TP53INP2: variants seen among roughly 807,000 people sequenced by gnomAD.
The protein encoded by TP53INP2 is tumor protein p53 inducible nuclear protein 2.
TP53INP2 carries 12 observed loss-of-function variants against 17.1 expected under a neutral mutation model. The ratio of observed to expected loss-of-function variants is 0.70; its 90% CI spans 0.45 to 1.14. TP53INP2 has a LOEUF of 1.14. TP53INP2 is among the 50% of genes most tolerant of loss of function. The pLI is 0.00. For synonymous variants in TP53INP2, 145 were observed against 147.3 expected, an observed-to-expected ratio of 0.98 and a Z score of 0.12; for missense variants, 342 against 330.9, an observed-to-expected ratio of 1.03 and a Z score of -0.26.
rs1988152884 is a variant in TP53INP2, at chr20:34,710,274, C to T, written c.630C>T (p.Ile210=). The part of the protein sequence containing the change: ...PRRSKNQSSF[I]YQPCQRQFNY ...GGTCCAAGAACCAGAGCAGCTTCAT[C>T]TACCAGCCGTGCCAGCGCCAGTTCA... Residue 210 remains isoleucine (I), a synonymous_variant, in exon 5 of 5, where the codon ATC becomes ATT. Transcript: ENST00000374810. The surrounding 1 kb of genome is among the most constrained non-coding windows in gnomAD (Gnocchi z 4.9). The T allele has an allele frequency of 2.8e-6, 4 of 1,437,506 alleles. No individual in the cohort carries two copies. The highest frequency in any genetic ancestry group is 3.7e-6 in the Non-Finnish European group (4 of 1,083,778). 89.0% of individuals were successfully genotyped at this position (1,437,506 alleles called of 1,614,324 possible).
Position 34,710,406 on chromosome 20 carries a change from G to A in TP53INP2, c.*99G>A, listed in dbSNP as rs1204160073. ...ACACCGAAACCTCCCTTCTTAAAGC[G>A]TGTGAGGTTGGGTGATAGCCGTTCC... On this transcript the variant is annotated 3_prime_UTR_variant, in exon 5 of 5. Transcript: ENST00000374810. This position sits in a 1 kb window ranked among gnomAD's most constrained non-coding sequence, Gnocchi z 4.9. 4.1e-6 allele frequency: 5 copies of A among 1,210,320 alleles called. No homozygotes were observed. Among genetic ancestry groups the A allele is most frequent in the East Asian group, 3.2e-5 (1 of 31,272 alleles). The allele number at this position is 1,210,320 out of a possible 1,614,324, so 75.0% of individuals were successfully genotyped here.
rs1191349922 is a variant in TP53INP2, at chr20:34,709,904, G to A, written c.414-154G>A. Among the ~76,000 whole-genome samples, 1 of 152,168 alleles carries A rather than the reference G, an allele frequency of 6.6e-6. No individual in the cohort carries two copies. On this transcript the variant is annotated intron_variant, in intron 4 of 4. Transcript: ENST00000374810. The surrounding 1 kb of genome is among the most constrained non-coding windows in gnomAD (Gnocchi z 5.4). ...ACCTGTTAAGGGCTAGAACCGAGGA[G>A]GCACCTCCGGGTTGGTACCCACAAG...
In TP53INP2 at chr20:34,709,185, G is replaced by GCTCC. The variant is rs1301838609; in HGVS notation, c.125-50_125-49insTCCC. The GCTCC allele has an allele frequency of 9.9e-6, 14 of 1,412,904 alleles. No homozygotes were observed. Among genetic ancestry groups the GCTCC allele is most frequent in the African/African-American group, 6.3e-5 (4 of 63,852 alleles). The allele number at this position is 1,412,904 out of a possible 1,614,324, so 87.5% of individuals were successfully genotyped here. ...GGTGTGTGTGTGTGTGTGTGTGTGTGCCTCCTCGCTGCTCCCCTCCTCTGC... is the reference window on the plus strand; with the variant it reads ...GGTGTGTGTGTGTGTGTGTGTGTGTGCTCCCCTCCTCGCTGCTCCCCTCCTCTGC... On this transcript the variant is annotated intron_variant, in intron 3 of 4. Coordinates refer to ENST00000374810, the MANE Select transcript of TP53INP2 (RefSeq NM_021202.3). The surrounding 1 kb of genome is among the most constrained non-coding windows in gnomAD (Gnocchi z 5.4).
rs747839411 is a variant in TP53INP2, at chr20:34,709,418, C to G, written c.307C>G (p.His103Asp). The part of the protein sequence containing the change: ...SSPLEDLLIE[H>D]PSMSVYVTGS... The stretch of plus-strand genomic sequence containing the variant: ...TCCCCTGGAGGACCTCCTCATCGAG[C>G]ACCCCAGCATGTCCGTTTACGTCAC... Residue 103 changes from histidine to aspartate, a missense_variant, in exon 4 of 5, where the codon CAC becomes GAC. By Grantham distance (81) the His-to-Asp change is moderately conservative. Coordinates refer to ENST00000374810, the MANE Select transcript of TP53INP2 (RefSeq NM_021202.3). This position sits in a 1 kb window ranked among gnomAD's most constrained non-coding sequence, Gnocchi z 5.4. 3.1e-6 allele frequency: 5 copies of G among 1,613,946 alleles called. No homozygotes were observed. The highest frequency in any genetic ancestry group is 4.2e-6 in the Non-Finnish European group (5 of 1,179,890).
Position 34,709,305 on chromosome 20 carries a change from C to A in TP53INP2, c.194C>A (p.Ser65Tyr). The A allele has an allele frequency of 5.0e-6, 8 of 1,612,600 alleles. No homozygotes were observed. The highest frequency in any genetic ancestry group is 6.8e-6 in the Non-Finnish European group (8 of 1,179,520). Reference sequence around the variant, plus strand: ...GCGGGCCGCCCTCCGCCCGCGCCCTCCTTGATGGACGAGAGCTGGTTTGTT... The same window carrying A: ...GCGGGCCGCCCTCCGCCCGCGCCCTACTTGATGGACGAGAGCTGGTTTGTT... ...APAGRPPPAP[S>Y]LMDESWFVTP... The change falls in exon 4 of 5, where the codon TCC becomes TAC. Residue 65 changes from serine (S) to tyrosine (Y), a missense_variant. Physicochemically the swap from Ser to Tyr is moderately radical, Grantham distance 144 (BLOSUM62 -2). Coordinates refer to ENST00000374810, the MANE Select transcript of TP53INP2 (RefSeq NM_021202.3). The surrounding 1 kb of genome is among the most constrained non-coding windows in gnomAD (Gnocchi z 5.4).
chr20:34,709,122 T>A lies in TP53INP2; in HGVS notation c.125-114T>A. On this transcript the variant is annotated intron_variant, in intron 3 of 4. Coordinates refer to ENST00000374810, the MANE Select transcript of TP53INP2 (RefSeq NM_021202.3). The surrounding 1 kb of genome is among the most constrained non-coding windows in gnomAD (Gnocchi z 5.4). ...GGGCGCTGCGGACGGGCTGCGGGTC[T>A]GACTAACGATGCCCTTTCTCTCCCC... The A allele has an allele frequency of 6.9e-7, 1 of 1,446,010 alleles. No individual in the cohort carries two copies. Among genetic ancestry groups the A allele is most frequent in the Non-Finnish European group, 9.1e-7 (1 of 1,103,544 alleles). The allele number at this position is 1,446,010 out of a possible 1,614,324, so 89.6% of individuals were successfully genotyped here.
rs569240440 is a variant in TP53INP2, at chr20:34,709,620, C to T, written c.413+96C>T. 719 of 1,453,686 alleles carry T rather than the reference C, an allele frequency of 4.9e-4. 7 individuals are homozygous for T. In the Middle Eastern group the frequency reaches 9.1e-3, roughly 18 times the overall value. The allele number at this position is 1,453,686 out of a possible 1,614,324, so 90.0% of individuals were successfully genotyped here. A position where few individuals can be genotyped will look rare whatever the true frequency, so the allele number is the denominator to read the frequency against. On this transcript the variant is annotated intron_variant, in intron 4 of 4. Transcript: ENST00000374810. The surrounding 1 kb of genome is among the most constrained non-coding windows in gnomAD (Gnocchi z 5.4). ...GGCTGGGGTAGTGGGGCCAGGAGCCCGCCCCGCGCTCGAGGGGGTAGCGGC... is the reference window on the plus strand; with the variant it reads ...GGCTGGGGTAGTGGGGCCAGGAGCCTGCCCCGCGCTCGAGGGGGTAGCGGC...
chr20:34,707,506 C>G (rs1413464270), intron 2 of TP53INP2, among the ~76,000 whole-genome samples: 2 of 152,108 alleles, frequency 1.3e-5, no homozygotes, highest in African/African-American at 2.4e-5. Flanking sequence ...ACACATGGAC[C>G]ATGACCCCTG....
chr20:34,709,933 G>A lies in TP53INP2; in HGVS notation c.414-125G>A, dbSNP rs918112595. ...CCTCCGGGTTGGTACCCACAAGAAGGGCGTCGGGCACCCCAATCTGAACAG... is the reference window on the plus strand; with the variant it reads ...CCTCCGGGTTGGTACCCACAAGAAGAGCGTCGGGCACCCCAATCTGAACAG... On this transcript the variant is annotated intron_variant, in intron 4 of 4. Coordinates refer to ENST00000374810, the MANE Select transcript of TP53INP2 (RefSeq NM_021202.3). This position sits in a 1 kb window ranked among gnomAD's most constrained non-coding sequence, Gnocchi z 5.4. 1 of 1,179,366 alleles carries A rather than the reference G, an allele frequency of 8.5e-7. No individual in the cohort carries two copies. The highest frequency in any genetic ancestry group is 1.1e-6 in the Non-Finnish European group (1 of 909,610). 73.1% of individuals were successfully genotyped at this position (1,179,366 alleles called of 1,614,324 possible).
chr20:34,713,426 T>G lies in TP53INP2; in HGVS notation c.*3119T>G, dbSNP rs972781478. 4 of 152,702 alleles carry G rather than the reference T, an allele frequency of 2.6e-5. No individual in the cohort carries two copies. Among genetic ancestry groups the G allele is most frequent in the South Asian group, 4.1e-4 (2 of 4,830 alleles). The allele number at this position is 152,702 out of a possible 1,614,324, so 9.5% of individuals were successfully genotyped here. ...ATAAAGAAAAACAAATAAAAATATA[T>G]TTAAAGCACATGATCCTTTCTGCCT... On this transcript the variant is annotated 3_prime_UTR_variant, in exon 5 of 5. Transcript: ENST00000374810.
chr20:34,708,815 G>T lies in TP53INP2; in HGVS notation c.76G>T (p.Val26Leu), dbSNP rs148376498. 1.0e-4 allele frequency: 169 copies of T among 1,611,800 alleles called. No homozygotes were observed. The highest frequency in any genetic ancestry group is 2.6e-4 in the South Asian group (24 of 90,898). Residue 26 changes from valine (V) to leucine (L), a missense_variant, in exon 3 of 5, where the codon GTG (valine) becomes TTG (leucine). Val to Leu is a conservative substitution (Grantham distance 32). Transcript: ENST00000374810. ...PEDPDCPRAF[V>L]SEEDEVDGWL... The stretch of plus-strand genomic sequence containing the variant: ...AGACCCCGACTGCCCCCGCGCCTTC[G>T]TGTCGGAGGAGGATGAAGTGGACGG...
Position 34,709,631 on chromosome 20 carries a change from C to G in TP53INP2, c.413+107C>G. 6.9e-7 allele frequency: 1 copy of G among 1,447,746 alleles called. No individual in the cohort carries two copies. Among genetic ancestry groups the G allele is most frequent in the African/African-American group, 1.4e-5 (1 of 69,834 alleles). The allele number at this position is 1,447,746 out of a possible 1,614,324, so 89.7% of individuals were successfully genotyped here. ...TGGGGCCAGGAGCCCGCCCCGCGCT[C>G]GAGGGGGTAGCGGCCTTGGGAGGGT... is the stretch of plus-strand genomic sequence containing the variant. On this transcript the variant is annotated intron_variant, in intron 4 of 4. Coordinates refer to ENST00000374810, the MANE Select transcript of TP53INP2 (RefSeq NM_021202.3). This position sits in a 1 kb window ranked among gnomAD's most constrained non-coding sequence, Gnocchi z 5.4.
At chr20:34,708,979 TG>T in intron 3 of TP53INP2, 116 bp downstream of exon 3, 2 of 1,474,784 alleles carry the variant, frequency 1.4e-6, no homozygotes, top group Non-Finnish European at 1.8e-6. Context: ...CTACTGGAGG[TG>T]GGGTCACGGG....
chr20:34,705,771 GGGGGTA>G (rs1444644741), intron 2 of TP53INP2, among the ~76,000 whole-genome samples: 1 of 152,162 alleles, frequency 6.6e-6, no homozygotes, highest in African/African-American at 2.4e-5. Flanking sequence ...AGGATGGGCT[GGGGGTA>G]GGGGTGGCTT....
At chr20:34,708,645 G>A in intron 2 of TP53INP2, 46 bp from the exon 3 acceptor site, 1 of 1,209,182 alleles carries the variant, frequency 8.3e-7, no homozygotes, top group South Asian at 1.3e-5. Flanking sequence ...CCAGGAGTGG[G>A]GTGAACCTCA....
Position 34,710,043 on chromosome 20 carries a change from GCT to G in TP53INP2, c.414-12_414-11del. ...AGCTTACCCGGCTTGACCGAGCCTG[GCT>G]CTGTCCTCACAGGGAATTGACGCCC... is the stretch of plus-strand genomic sequence containing the variant. On this transcript the variant is annotated splice_polypyrimidine_tract_variant and intron_variant, in intron 4 of 4. Coordinates refer to ENST00000374810, the MANE Select transcript of TP53INP2 (RefSeq NM_021202.3). The surrounding 1 kb of genome is among the most constrained non-coding windows in gnomAD (Gnocchi z 4.9). 7.7e-7 allele frequency: 1 copy of G among 1,291,458 alleles called. No individual in the cohort carries two copies. Among genetic ancestry groups the G allele is most frequent in the Non-Finnish European group, 9.8e-7 (1 of 1,020,760 alleles). 80.0% of individuals were successfully genotyped at this position (1,291,458 alleles called of 1,614,324 possible).
Position 34,710,088 on chromosome 20 carries a change from G to GGCCGCGC in TP53INP2, c.448_454dup (p.His152ArgfsTer104). 1 of 1,280,802 alleles carries GGCCGCGC rather than the reference G, an allele frequency of 7.8e-7. No homozygotes were observed. The allele number at this position is 1,280,802 out of a possible 1,614,324, so 79.3% of individuals were successfully genotyped here. A position where few individuals can be genotyped will look rare whatever the true frequency, so the allele number is the denominator to read the frequency against. On this transcript the variant is annotated frameshift_variant, in exon 5 of 5. Transcript: ENST00000374810. LOFTEE classifies it high-confidence loss of function. The surrounding 1 kb of genome is among the most constrained non-coding windows in gnomAD (Gnocchi z 4.9). ...TGACGCCCGCCCGCCGCGAGCCGCGGGCCGCGCGCCACGCCGCTCCTCTCC... is the reference window on the plus strand; with the variant it reads ...TGACGCCCGCCCGCCGCGAGCCGCGGGCCGCGCGCCGCGCGCCACGCCGCTCCTCTCC...
chr20:34,710,100 C>A lies in TP53INP2; in HGVS notation c.456C>A (p.His152Gln). ...GCCGCGAGCCGCGGGCCGCGCGCCA[C>A]GCCGCTCCTCTCCCAGCGCGGGCGG... ...PARREPRAAR[H>Q]AAPLPARAAL... Residue 152 changes from histidine to glutamine, a missense_variant, in exon 5 of 5, where the codon CAC becomes CAA. Coordinates refer to ENST00000374810, the MANE Select transcript of TP53INP2 (RefSeq NM_021202.3). This position sits in a 1 kb window ranked among gnomAD's most constrained non-coding sequence, Gnocchi z 4.9. 1 of 1,272,716 alleles carries A rather than the reference C, an allele frequency of 7.9e-7. No homozygotes were observed. Among genetic ancestry groups the A allele is most frequent in the Non-Finnish European group, 9.9e-7 (1 of 1,013,052 alleles). The allele number at this position is 1,272,716 out of a possible 1,614,324, so 78.8% of individuals were successfully genotyped here. A position where few individuals can be genotyped will look rare whatever the true frequency, so the allele number is the denominator to read the frequency against.
rs766846796 is a variant in TP53INP2, at chr20:34,710,077, C to G, written c.433C>G (p.Arg145Gly). ...LSEGELTPAR[R>G]EPRAARHAAP... ...TCACAGGGAATTGACGCCCGCCCGC[C>G]GCGAGCCGCGGGCCGCGCGCCACGC... The change falls in exon 5 of 5, where the codon CGC (arginine) becomes GGC (glycine). Residue 145 changes from arginine to glycine, a missense_variant. Physicochemically the swap from Arg to Gly is moderately radical, Grantham distance 125. Coordinates refer to ENST00000374810, the MANE Select transcript of TP53INP2 (RefSeq NM_021202.3). This position sits in a 1 kb window ranked among gnomAD's most constrained non-coding sequence, Gnocchi z 4.9. 322 of 1,267,804 alleles carry G rather than the reference C, an allele frequency of 2.5e-4. No individual in the cohort carries two copies. The highest frequency in any genetic ancestry group is 2.9e-4 in the Non-Finnish European group (296 of 1,012,132). 78.5% of individuals were successfully genotyped at this position (1,267,804 alleles called of 1,614,324 possible). A position where few individuals can be genotyped will look rare whatever the true frequency, so the allele number is the denominator to read the frequency against.
Sources: allele counts gnomAD v4.1 joint callset (sites outside exome capture counted in the v4.1 genomes callset), GRCh38; gene constraint gnomAD v4.1.1; non-coding constraint Gnocchi (gnomAD v3.1); transcripts MANE v1.5; gene names NCBI Gene and HGNC (gene_info 2026-07-23, HGNC 2026-07-21).